The following COA1 variants were observed in gnomAD, a reference collection of about 807,000 sequenced individuals.
COA1 encodes cytochrome c oxidase assembly factor 1 homolog.
Under a neutral mutation model 16.0 loss-of-function variants are expected in COA1, and 13 were observed. That is an observed-to-expected ratio of 0.81 (90% CI 0.53 to 1.29). The LOEUF is 1.29. Among genes scored for constraint, COA1 ranks in the 50% most tolerant of loss-of-function variants. The pLI is 0.00. For synonymous variants in COA1, 65 were observed against 65.7 expected, an observed-to-expected ratio of 0.99 and a Z score of 0.05; for missense variants, 179 against 177.0, an observed-to-expected ratio of 1.01 and a Z score of -0.06.
At chr7:43,635,969 C>T (rs543879949), downstream of COA1, among the ~76,000 whole-genome samples, 1 of 151,998 alleles carries the variant, frequency 6.6e-6, no homozygotes, top group East Asian at 1.9e-4. Context: ...TTTAACATAC[C>T]TCATGTGATC....
rs1353029811 is a variant in COA1, at chr7:43,647,652, C to G, written c.16-18G>C. ...CCTGCATACTTAAAAACAAAAGATA[C>G]AAATTTATTGTAGGATTCCCAGTTT... On this transcript the variant is annotated intron_variant, in intron 2 of 5. Transcript: ENST00000223336. The G allele has an allele frequency of 1.9e-6, 3 of 1,583,934 alleles. No individual in the cohort carries two copies. Among genetic ancestry groups the G allele is most frequent in the East Asian group, 4.5e-5 (2 of 44,638 alleles).
intron 6 of COA1, among the ~76,000 whole-genome samples, chr7:43,615,818 C>T (rs1030652623): frequency 1.3e-4 from 20 of 152,176 alleles, no homozygotes; most frequent in African/African-American, 4.6e-4. Flanking sequence ...TTCCTGCTTA[C>T]TCCAACCCCT....
chr7:43,633,154 C>T (rs1228634409), intron 6 of COA1: 2 of 152,176 alleles, frequency 1.3e-5, no homozygotes, highest in Admixed American at 6.6e-5. Flanking sequence ...CATTTAAAAT[C>T]TGTTGTTTAG....
At chr7:43,702,513 TGAA>T (rs2094789283) in intron 1 of COA1, among the ~76,000 whole-genome samples, 1 of 152,206 alleles carries the variant, frequency 6.6e-6, no homozygotes, top group Non-Finnish European at 1.5e-5. Context: ...TAGCATAGTT[TGAA>T]GTCGGATAAT....
intron 1 of COA1, among the ~76,000 whole-genome samples, chr7:43,655,641 G>A (rs2091601392): frequency 6.6e-6 from 1 of 152,076 alleles, no homozygotes; most frequent in South Asian, 2.1e-4. Context: ...CAGCCTTTGA[G>A]ACATTTTCCA....
chr7:43,640,971 G>A (rs1453234071), intron 4 of COA1: 6 of 230,058 alleles, frequency 2.6e-5, no homozygotes, highest in Admixed American at 1.2e-4. Context: ...GAGCAACATC[G>A]ATGAATATCA....
rs2094147718 is a variant in COA1, at chr7:43,688,765, T to A, written c.-38-40113A>T. Among the ~76,000 whole-genome samples, 2 of 152,194 alleles carry A rather than the reference T, an allele frequency of 1.3e-5. 1 individual carries two copies. Among genetic ancestry groups the A allele is most frequent in the South Asian group, 4.1e-4 (2 of 4,834 alleles). ...CCAGGCCCAAAATGGCTGTTTGAGC[T>A]CCTGCCATCAAATGTACATAATAGC... On this transcript the variant is annotated intron_variant, in intron 1 of 5. Coordinates refer to ENST00000223336, the MANE Select transcript of COA1 (RefSeq NM_018224.4).
chr7:43,634,937 G>A (rs1368519675), downstream of COA1, among the ~76,000 whole-genome samples: 1 of 152,154 alleles, frequency 6.6e-6, no homozygotes, highest in African/African-American at 2.4e-5. Flanking sequence ...CTTGGGTACT[G>A]AAGTTCCTAG....
At chr7:43,655,864 T>C (rs1563273116) in intron 1 of COA1, among the ~76,000 whole-genome samples, 1 of 152,164 alleles carries the variant, frequency 6.6e-6, no homozygotes, top group African/African-American at 2.4e-5. Flanking sequence ...CTGGCACTCT[T>C]GGGAAGCCTA....
intron 1 of COA1, among the ~76,000 whole-genome samples, chr7:43,711,971 CT>C (rs763252483): frequency 6.6e-6 from 1 of 152,160 alleles, no homozygotes; most frequent in African/African-American, 2.4e-5. Flanking sequence ...TCCACTACCC[CT>C]ATTAAAACAC....
At chr7:43,627,667 C>T (rs547019457) in intron 6 of COA1, among the ~76,000 whole-genome samples, 5 of 152,158 alleles carry the variant, frequency 3.3e-5, no homozygotes, top group African/African-American at 7.2e-5. Context: ...CTATCTGTTG[C>T]GGAATTTAAA....
intron 1 of COA1, among the ~76,000 whole-genome samples, chr7:43,692,857 T>A (rs1288989265): frequency 6.6e-6 from 1 of 151,712 alleles, no homozygotes; most frequent in African/African-American, 2.4e-5. Flanking sequence ...TGCATGTCCA[T>A]CATTCCCAAC....
chr7:43,724,737 T>C (rs2095579190), intron 1 of COA1, among the ~76,000 whole-genome samples: 1 of 152,104 alleles, frequency 6.6e-6, no homozygotes, highest in Non-Finnish European at 1.5e-5. Context: ...AAAATGAAAA[T>C]TCCAACACAT....
At chr7:43,613,517 T>C (rs949854176) in intron 6 of COA1, among the ~76,000 whole-genome samples, 2 of 152,072 alleles carry the variant, frequency 1.3e-5, no homozygotes, top group African/African-American at 4.8e-5. Flanking sequence ...TATCACTAAC[T>C]TTTCCACCCA....
intron 1 of COA1, among the ~76,000 whole-genome samples, chr7:43,712,825 T>C (rs1265240438): frequency 2.0e-5 from 3 of 152,226 alleles, no homozygotes; most frequent in African/African-American, 4.8e-5. Context: ...AAGATTTTCA[T>C]TTCCACTATC....
intron 1 of COA1, among the ~76,000 whole-genome samples, chr7:43,674,264 C>A (rs9639885): frequency 0.56 from 85,199 of 151,980 alleles, 25,656 homozygotes; most frequent in African/African-American, 0.8. Context: ...AAACCTTCAA[C>A]ACATATAAAT....
intron 1 of COA1, among the ~76,000 whole-genome samples, chr7:43,657,936 C>T (rs1405831395): frequency 6.6e-6 from 1 of 151,944 alleles, no homozygotes; most frequent in Non-Finnish European, 1.5e-5. Flanking sequence ...TAGGAAATTG[C>T]AAATTAAAAC....
chr7:43,629,133 G>GT (rs2084919300), intron 6 of COA1, among the ~76,000 whole-genome samples: 1 of 152,150 alleles, frequency 6.6e-6, no homozygotes, highest in Admixed American at 6.5e-5. Flanking sequence ...CTGTTAAACT[G>GT]TTTTGGTGCC....
chr7:43,631,377 C>T (rs2085157452), intron 6 of COA1: 1 of 152,348 alleles, frequency 6.6e-6, no homozygotes. Context: ...AGGCATGTGC[C>T]ACCATGCCTG....
Sources: allele counts gnomAD v4.1 joint callset (sites outside exome capture counted in the v4.1 genomes callset), GRCh38; gene constraint gnomAD v4.1.1; transcripts MANE v1.5; gene names NCBI Gene and HGNC (gene_info 2026-07-23, HGNC 2026-07-21).